The following SLC24A3 variants were observed in gnomAD, a reference collection of about 807,000 sequenced individuals.
SLC24A3 encodes sodium/potassium/calcium exchanger 3.
A neutral mutation model predicts 75.8 loss-of-function variants in SLC24A3; 28 were observed. That is an observed-to-expected ratio of 0.37 (90% CI 0.27 to 0.51). The LOEUF is 0.51. Ranked by LOEUF, SLC24A3 falls within the 20% of genes least tolerant of loss-of-function variation. The probability of loss-of-function intolerance (pLI) is 0.94; values close to 1 mark genes in which losing one functional copy is unlikely to be tolerated. For missense variants in SLC24A3, 663 were observed against 847.8 expected (o/e 0.78, Z 2.71); for synonymous variants, 372 against 334.1 (o/e 1.11, Z -1.24).
At chr20:19,676,197 C>G (rs943479667) in intron 9 of SLC24A3, among the ~76,000 whole-genome samples, 7 of 152,204 alleles carry the variant, frequency 4.6e-5, no homozygotes, top group Non-Finnish European at 1.0e-4. Flanking sequence ...ATAGCCACTG[C>G]TCCCCTTTTC....
intron 8 of SLC24A3, among the ~76,000 whole-genome samples, chr20:19,666,366 C>T (rs1312157185): frequency 1.3e-5 from 2 of 151,958 alleles, no homozygotes; most frequent in Non-Finnish European, 2.9e-5. Context: ...ATTAGCCGGG[C>T]ATGGTGGTAG....
intron 7 of SLC24A3, among the ~76,000 whole-genome samples, chr20:19,654,455 C>T (rs1600323381): frequency 6.6e-6 from 1 of 151,758 alleles, no homozygotes; most frequent in African/African-American, 2.4e-5. Flanking sequence ...CACTTCTCCC[C>T]CTTCTCACTC....
intron 1 of SLC24A3, among the ~76,000 whole-genome samples, chr20:19,233,692 C>T (rs1315880527): frequency 2.0e-5 from 3 of 152,222 alleles, no homozygotes; most frequent in African/African-American, 7.2e-5. Context: ...GGTATAACTT[C>T]ATGATGCTCC....
chr20:19,281,224 A>C (rs1227282666), intron 2 of SLC24A3, 137 bp downstream of exon 2: 1 of 1,297,826 alleles, frequency 7.7e-7, no homozygotes, highest in African/African-American at 1.5e-5. Flanking sequence ...AGTCTAAGAA[A>C]CTTTCAGGTG....
At chr20:19,619,409 AG>A (rs545887702) in intron 6 of SLC24A3, among the ~76,000 whole-genome samples, 110 of 152,316 alleles carry the variant, frequency 7.2e-4, no homozygotes, top group African/African-American at 2.6e-3. Flanking sequence ...CTGGGAAGCC[AG>A]ACTCAGAATA....
chr20:19,648,264 G>A (rs1244432411), intron 6 of SLC24A3, among the ~76,000 whole-genome samples: 2 of 152,172 alleles, frequency 1.3e-5, no homozygotes. Context: ...TGCAGATCAG[G>A]TGGCTGTGTT....
intron 2 of SLC24A3, among the ~76,000 whole-genome samples, chr20:19,496,682 G>A (rs1245921633): frequency 6.6e-6 from 1 of 152,146 alleles, no homozygotes; most frequent in Non-Finnish European, 1.5e-5. Context: ...AGTGTGATCA[G>A]GAAAAGGTAG....
At chr20:19,589,754 T>C (rs2031348082) in intron 6 of SLC24A3, among the ~76,000 whole-genome samples, 1 of 152,116 alleles carries the variant, frequency 6.6e-6, no homozygotes, top group South Asian at 2.1e-4. Flanking sequence ...CCACACTAGA[T>C]TCTGTAAAAA....
intron 9 of SLC24A3, among the ~76,000 whole-genome samples, chr20:19,673,969 A>G (rs751285097): frequency 4.6e-5 from 7 of 152,192 alleles, no homozygotes; most frequent in Non-Finnish European, 7.3e-5. Flanking sequence ...AACACAAAGG[A>G]GATAAAACTC....
At chr20:19,397,878 A>C (rs1408582904) in intron 2 of SLC24A3, among the ~76,000 whole-genome samples, 1 of 152,062 alleles carries the variant, frequency 6.6e-6, no homozygotes, top group Non-Finnish European at 1.5e-5. Context: ...TCAAGTAGGA[A>C]GTGAGAGGCT....
chr20:19,588,125 C>A (rs1364018161), intron 6 of SLC24A3, among the ~76,000 whole-genome samples: 1 of 152,166 alleles, frequency 6.6e-6, no homozygotes, highest in Non-Finnish European at 1.5e-5. Flanking sequence ...GTACTTACTT[C>A]TGTGCTGTCT....
chr20:19,457,184 C>T (rs942098230), intron 2 of SLC24A3, among the ~76,000 whole-genome samples: 1 of 152,306 alleles, frequency 6.6e-6, no homozygotes, highest in South Asian at 2.1e-4. Flanking sequence ...GATCCATCAA[C>T]TGTGGAGTCT....
At chr20:19,658,837 G>C (rs922777670) in intron 7 of SLC24A3, among the ~76,000 whole-genome samples, 1 of 152,118 alleles carries the variant, frequency 6.6e-6, no homozygotes, top group East Asian at 1.9e-4. Context: ...CAGATTCTTC[G>C]CTGCTTCTCC....
At chr20:19,655,423 A>G (rs2032253974) in intron 7 of SLC24A3, among the ~76,000 whole-genome samples, 1 of 152,136 alleles carries the variant, frequency 6.6e-6, no homozygotes, top group Non-Finnish European at 1.5e-5. Flanking sequence ...AATTGGGAAG[A>G]ACATTGAAAT....
chr20:19,554,286 A>G (rs1316156643), intron 3 of SLC24A3, among the ~76,000 whole-genome samples: 1 of 152,260 alleles, frequency 6.6e-6, no homozygotes, highest in Non-Finnish European at 1.5e-5. Flanking sequence ...AAATATTATT[A>G]ACATTAATTT....
At chr20:19,692,076 G>A (rs544198588) in intron 12 of SLC24A3, among the ~76,000 whole-genome samples, 1 of 152,182 alleles carries the variant, frequency 6.6e-6, no homozygotes, top group South Asian at 2.1e-4. Context: ...GAGATTGGTA[G>A]GATATATGAA....
chr20:19,269,757 T>C (rs1054247191), intron 1 of SLC24A3, among the ~76,000 whole-genome samples: 7 of 152,326 alleles, frequency 4.6e-5, no homozygotes, highest in African/African-American at 1.7e-4. Flanking sequence ...CTGAGAAACG[T>C]GGTTCATTTC....
intron 3 of SLC24A3, among the ~76,000 whole-genome samples, chr20:19,547,134 T>A (rs2030613601): frequency 6.6e-6 from 1 of 152,218 alleles, no homozygotes; most frequent in Non-Finnish European, 1.5e-5. Context: ...ATTATTTGAT[T>A]AGCATCTTTC....
intron 2 of SLC24A3, among the ~76,000 whole-genome samples, chr20:19,453,729 C>T (rs1019883249): frequency 1.3e-5 from 2 of 152,224 alleles, no homozygotes; most frequent in Admixed American, 6.5e-5. Context: ...GCCCACCCCA[C>T]CTTTCCTTTC....
Sources: gnomAD v4.1 joint callset for allele counts (sites outside exome capture counted in the v4.1 genomes callset) on GRCh38, gnomAD v4.1.1 for gene constraint, MANE v1.5 for transcripts, NCBI Gene and HGNC (gene_info 2026-07-23, HGNC 2026-07-21) for gene names.